The following GTPBP4 variants were observed in gnomAD, a reference collection of about 807,000 sequenced individuals.
GTPBP4 encodes the protein GTP binding protein 4.
In GTPBP4, 15 loss-of-function variants were observed where a neutral mutation model predicts 81.7. The ratio of observed to expected loss-of-function variants is 0.18; its 90% CI spans 0.12 to 0.28. The LOEUF (loss-of-function observed/expected upper bound fraction) is 0.28, where lower values mean the gene tolerates loss of function less well. Among genes scored for constraint, GTPBP4 ranks in the 10% least tolerant of loss-of-function variants. GTPBP4 has a pLI of 1.00. For missense variants in GTPBP4, 847 were observed against 793.8 expected (o/e 1.07, Z -0.81); for synonymous variants, 272 against 274.6 (o/e 0.99, Z 0.09).
At chr10:1,012,385 CCATACACACTCT>C in intron 13 of GTPBP4, 68 bp from the exon 14 acceptor site, 1 of 951,592 alleles carries the variant, frequency 1.1e-6, no homozygotes, top group Non-Finnish European at 1.6e-6. Context: ...AACAAAGCTC[CCATACACACTCT>C]GCCACACTCA....
intron 8 of GTPBP4, among the ~76,000 whole-genome samples, chr10:1,004,976 G>C (rs1831698984): frequency 6.6e-6 from 1 of 152,202 alleles, no homozygotes. Flanking sequence ...CAGCTGTGAG[G>C]ATGCCAGGGG....
intron 10 of GTPBP4, chr10:1,008,209 C>G (rs1046773267): frequency 4.5e-6 from 2 of 444,050 alleles, no homozygotes; most frequent in South Asian, 3.2e-5. Flanking sequence ...GGTCAAGAGT[C>G]TGAGACCAGC....
intron 14 of GTPBP4, 42 bp downstream of exon 14, chr10:1,012,704 A>G: frequency 7.1e-7 from 1 of 1,403,726 alleles, no homozygotes; most frequent in Non-Finnish European, 1.0e-6. Context: ...CTAGTTTTTG[A>G]AAATTGGATT....
Position 1,019,881 on chromosome 10 carries a change from C to A in GTPBP4, c.*2654C>A. The A allele has an allele frequency of 8.0e-7, 1 of 1,254,068 alleles. No individual in the cohort carries two copies. Among genetic ancestry groups the A allele is most frequent in the South Asian group, 1.3e-5 (1 of 78,624 alleles). 77.7% of individuals were successfully genotyped at this position (1,254,068 alleles called of 1,614,324 possible). On this transcript the variant is annotated 3_prime_UTR_variant, in exon 17 of 17. Coordinates refer to ENST00000360803, the MANE Select transcript of GTPBP4 (RefSeq NM_012341.3). Reference sequence around the variant, plus strand: ...GTGTTAACAACGCTAATGTAAAACACAGAATTTACAGAAAAATAGAGAAAA... The same window carrying A: ...GTGTTAACAACGCTAATGTAAAACAAAGAATTTACAGAAAAATAGAGAAAA...
chr10:1,010,343 A>T (rs775905417), intron 12 of GTPBP4, 77 bp from the exon 13 acceptor site: 1 of 761,022 alleles, frequency 1.3e-6, no homozygotes, highest in Non-Finnish European at 2.3e-6. Flanking sequence ...GCCGTCAGTC[A>T]CAACTCATTT....
chr10:995,826 A>T (rs1398967635), intron 2 of GTPBP4, 103 bp from the exon 3 acceptor site: 1 of 670,756 alleles, frequency 1.5e-6, no homozygotes, highest in Non-Finnish European at 2.7e-6. Context: ...TGGGGAGGAG[A>T]CACTGCAGGC....
At chr10:1,005,773 C>A in intron 8 of GTPBP4, 45 bp from the exon 9 acceptor site, 1 of 1,075,284 alleles carries the variant, frequency 9.3e-7, no homozygotes, top group Non-Finnish European at 1.5e-6. Flanking sequence ...CCATAGGGAA[C>A]TGGAAATGAA....
Position 1,017,204 on chromosome 10 carries a change from G to A in GTPBP4, c.1882G>A (p.Ala628Thr), listed in dbSNP as rs773007238. ...GCACTTGCTGTCTGGGAAGAGGAAA[G>A]CTGGTAAAAAGGACAGGAGATAGTA... ...PKHLLSGKRK[A>T]GKKDRR The change falls in exon 17 of 17, where the codon GCT (alanine) becomes ACT (threonine). Residue 628 changes from alanine to threonine, a missense_variant. This residue lies in a region of GTPBP4 where 600 missense variants were observed against 557.1 expected (regional missense o/e 1.08). Transcript: ENST00000360803. 1 of 1,614,152 alleles carries A rather than the reference G, an allele frequency of 6.2e-7. No homozygotes were observed. Among genetic ancestry groups the A allele is most frequent in the Non-Finnish European group, 8.5e-7 (1 of 1,179,984 alleles).
chr10:1,008,870 G>A (rs778063247), intron 10 of GTPBP4, 88 bp from the exon 11 acceptor site: 26 of 958,004 alleles, frequency 2.7e-5, no homozygotes, highest in South Asian at 1.3e-4. Flanking sequence ...CCCCTTGCAC[G>A]TAGGGAATTT....
Position 997,274 on chromosome 10 carries a change from A to T in GTPBP4, c.527A>T (p.Tyr176Phe). ...ACCAGGACCCTGCTTTTGTGTGGGT[A>T]CCCAAATGTTGGGAAGTCCAGCTTC... is the stretch of plus-strand genomic sequence containing the variant. ...PNTRTLLLCG[Y>F]PNVGKSSFIN... Residue 176 changes from tyrosine (Y) to phenylalanine (F), a missense_variant, in exon 5 of 17, where the codon TAC (tyrosine) becomes TTC (phenylalanine). By Grantham distance (22) the Tyr-to-Phe change is conservative (BLOSUM62 3). Around this residue, in one of 3 missense-constraint regions of GTPBP4, gnomAD observed 6 missense variants for 20.4 expected, o/e 0.29. Transcript: ENST00000360803. 1 of 1,607,266 alleles carries T rather than the reference A, an allele frequency of 6.2e-7. No individual in the cohort carries two copies. Among genetic ancestry groups the T allele is most frequent in the Non-Finnish European group, 8.5e-7 (1 of 1,173,686 alleles).
intron 2 of GTPBP4, among the ~76,000 whole-genome samples, chr10:994,256 TTTTG>T (rs144764762): frequency 0.98 from 147,741 of 150,470 alleles, 72,547 homozygotes; most frequent in East Asian, 1. Flanking sequence ...AGAATGAGAT[TTTTG>T]TTTGTTTGTT....
intron 13 of GTPBP4, among the ~76,000 whole-genome samples, chr10:1,011,103 T>TC (rs56206574): frequency 7.9e-5 from 4 of 50,586 alleles, no homozygotes; most frequent in South Asian, 6.9e-4. Context: ...CTGCACCTCT[T>TC]CCCCCCACCC....
At chr10:1,009,182 G>C in intron 11 of GTPBP4, 147 bp downstream of exon 11, 2 of 633,102 alleles carry the variant, frequency 3.2e-6, no homozygotes, top group Non-Finnish European at 5.6e-6. Context: ...GAGTCCCCCT[G>C]CAGAAGCCTC....
chr10:1,016,060 A>G (rs891984193), intron 16 of GTPBP4, among the ~76,000 whole-genome samples, 164 bp downstream of exon 16: 1 of 152,236 alleles, frequency 6.6e-6, no homozygotes. Flanking sequence ...AGCACGGGTC[A>G]GGGTGCAGGT....
Position 1,019,457 on chromosome 10 carries a change from C to T in GTPBP4, c.*2230C>T. On this transcript the variant is annotated 3_prime_UTR_variant, in exon 17 of 17. Coordinates refer to ENST00000360803, the MANE Select transcript of GTPBP4 (RefSeq NM_012341.3). ...TTTTGGAGAGGGTGTATCATTGCCT[C>T]AATGGTGCGTCTGCCTGCACTGAGG... is the stretch of plus-strand genomic sequence containing the variant. The T allele has an allele frequency of 7.2e-7, 1 of 1,392,318 alleles. No individual in the cohort carries two copies. The highest frequency in any genetic ancestry group is 1.4e-5 in the African/African-American group (1 of 69,644). 86.2% of individuals were successfully genotyped at this position (1,392,318 alleles called of 1,614,324 possible).
Position 1,007,082 on chromosome 10 carries a change from T to C in GTPBP4, c.1067T>C (p.Val356Ala), listed in dbSNP as rs770746128. 1.2e-6 allele frequency: 2 copies of C among 1,612,622 alleles called. No individual in the cohort carries two copies. The highest frequency in any genetic ancestry group is 3.3e-5 in the Admixed American group (2 of 60,024). ...TKMKGNKVNE[V>A]LNRLHLAIPT... Reference sequence around the variant, plus strand: ...ATGAAGGGAAATAAAGTGAATGAGGTGCTGAATAGACTGCACCTGGCTATC... The same window carrying C: ...ATGAAGGGAAATAAAGTGAATGAGGCGCTGAATAGACTGCACCTGGCTATC... Residue 356 changes from valine to alanine, a missense_variant, in exon 10 of 17, where the codon GTG (valine) becomes GCG (alanine). Physicochemically the swap from Val to Ala is moderately conservative, Grantham distance 64. This residue lies in a region of GTPBP4 where 600 missense variants were observed against 557.1 expected (regional missense o/e 1.08). Transcript: ENST00000360803.
At chr10:999,978 C>T (rs1383011080) in intron 6 of GTPBP4, among the ~76,000 whole-genome samples, 1 of 152,054 alleles carries the variant, frequency 6.6e-6, no homozygotes, top group Non-Finnish European at 1.5e-5. Context: ...TAAATAAATA[C>T]AAAGCAAGAA....
In GTPBP4 at chr10:1,019,612, G is replaced by A; in HGVS notation, c.*2385G>A. On this transcript the variant is annotated 3_prime_UTR_variant, in exon 17 of 17. Coordinates refer to ENST00000360803, the MANE Select transcript of GTPBP4 (RefSeq NM_012341.3). ...AGAAACCTCTCGGCAATGGTTCTTAGCCAGGGGGTGACTTTGACTTCACCC... is the reference window on the plus strand; with the variant it reads ...AGAAACCTCTCGGCAATGGTTCTTAACCAGGGGGTGACTTTGACTTCACCC... 6.2e-7 allele frequency: 1 copy of A among 1,614,016 alleles called. No individual in the cohort carries two copies. The highest frequency in any genetic ancestry group is 8.5e-7 in the Non-Finnish European group (1 of 1,179,998).
chr10:1,012,489 G>C lies in GTPBP4; in HGVS notation c.1369G>C (p.Glu457Gln). ...MKKLEELEKEEELRTAAGEYD... is the reference protein window; with the variant it reads ...MKKLEELEKEQELRTAAGEYD... ...GAAATTGGAAGAATTAGAAAAAGAA[G>C]AAGAGCTGAGAACAGCTGCTGGAGA... Residue 457 changes from glutamate to glutamine, a missense_variant, in exon 14 of 17, where the codon GAA (glutamate) becomes CAA (glutamine). By Grantham distance (29) the Glu-to-Gln change is conservative. Coordinates refer to ENST00000360803, the MANE Select transcript of GTPBP4 (RefSeq NM_012341.3). 1 of 1,600,722 alleles carries C rather than the reference G, an allele frequency of 6.2e-7. No homozygotes were observed. Among genetic ancestry groups the C allele is most frequent in the Non-Finnish European group, 8.5e-7 (1 of 1,174,606 alleles).
Sources: gnomAD v4.1 joint callset for allele counts (sites outside exome capture counted in the v4.1 genomes callset) on GRCh38, gnomAD v4.1.1 for gene constraint, gnomAD v4.1.1 regional missense constraint, MANE v1.5 for transcripts, NCBI Gene and HGNC (gene_info 2026-07-23, HGNC 2026-07-21) for gene names.